The following INTS1 variants were observed in gnomAD, a reference collection of about 807,000 sequenced individuals.
The protein encoded by INTS1 is integrator complex subunit 1.
In INTS1, 137 loss-of-function variants were observed where a neutral mutation model predicts 241.6. That is an observed-to-expected ratio of 0.57 (90% confidence interval 0.49 to 0.65). The LOEUF (loss-of-function observed/expected upper bound fraction) is 0.65. Ranked by LOEUF, INTS1 falls within the 30% of genes least tolerant of loss-of-function variation. The probability of loss-of-function intolerance (pLI) is 0.00; values close to 1 mark genes in which losing one functional copy is unlikely to be tolerated. For synonymous variants in INTS1, 1,692 were observed against 1,337.8 expected, an observed-to-expected ratio of 1.26 and a Z score of -5.78; for missense variants, 3,073 against 3,032.2, an observed-to-expected ratio of 1.01 and a Z score of -0.32.
chr7:1,496,230 G>A lies in INTS1; in HGVS notation c.1637C>T (p.Ala546Val). ...TGTGATGCCCAGCATCATGGACACG[G>A]CCAGGACGTCGGTGATGTGCACCAC... ...RFVVHITDVL[A>V]VSMMLGITAQ... The change falls in exon 12 of 48, where the codon GCC becomes GTC. Residue 546 changes from alanine (A) to valine (V), a missense_variant. Physicochemically the swap from Ala to Val is moderately conservative, Grantham distance 64. Transcript: ENST00000404767. 1 of 1,613,796 alleles carries A rather than the reference G, an allele frequency of 6.2e-7. No individual in the cohort carries two copies. The highest frequency in any genetic ancestry group is 1.7e-5 in the Admixed American group (1 of 60,020).
chr7:1,483,489 G>T, intron 26 of INTS1: 1 of 561,368 alleles, frequency 1.8e-6, no homozygotes, highest in South Asian at 2.0e-5. Flanking sequence ...GGCTGTACCA[G>T]GCCCTCCAGC....
Position 1,487,389 on chromosome 7 carries a change from G to A in INTS1, c.2577C>T (p.Ser859=), listed in dbSNP as rs1782323575. Residue 859 remains serine (S), a synonymous_variant, in exon 20 of 48, where the codon TCC becomes TCT. Coordinates refer to ENST00000404767, the MANE Select transcript of INTS1 (RefSeq NM_001080453.3). ...ILDQVKSLNQ[S]LRLGHLLCRS... Reference sequence around the variant, plus strand: ...GGCACAAGAGGTGCCCGAGGCGGAGGGACTGGTTGAGGCTTTTCACTTGAT... The same window carrying A: ...GGCACAAGAGGTGCCCGAGGCGGAGAGACTGGTTGAGGCTTTTCACTTGAT... 3 of 1,611,986 alleles carry A rather than the reference G, an allele frequency of 1.9e-6. No individual in the cohort carries two copies. The highest frequency in any genetic ancestry group is 1.7e-5 in the Admixed American group (1 of 59,896).
Position 1,493,882 on chromosome 7 carries a change from G to A in INTS1, c.1940C>T (p.Pro647Leu). ...NFFLRLCSEV[P>L]ILEDTLMRIL... Reference sequence around the variant, plus strand: ...GCGCATCAGCGTGTCCTCCAAAATGGGCACCTCGGAGCACAGACGCAGGAA... The same window carrying A: ...GCGCATCAGCGTGTCCTCCAAAATGAGCACCTCGGAGCACAGACGCAGGAA... Residue 647 changes from proline to leucine, a missense_variant, in exon 15 of 48, where the codon CCC (proline) becomes CTC (leucine). Physicochemically the swap from Pro to Leu is moderately conservative, Grantham distance 98 (BLOSUM62 -3). Transcript: ENST00000404767. The surrounding 1 kb of genome is among the most constrained non-coding windows in gnomAD (Gnocchi z 5.3). 6.4e-7 allele frequency: 1 copy of A among 1,563,958 alleles called. No individual in the cohort carries two copies. The highest frequency in any genetic ancestry group is 8.7e-7 in the Non-Finnish European group (1 of 1,154,900).
chr7:1,494,136 C>T (rs1318856783), intron 14 of INTS1, among the ~76,000 whole-genome samples: 1 of 152,200 alleles, frequency 6.6e-6, no homozygotes, highest in Non-Finnish European at 1.5e-5. Context: ...CTACCCCCAC[C>T]CCAAGGCCTT....
intron 27 of INTS1, 72 bp downstream of exon 27, chr7:1,482,474 C>T (rs1269024258): frequency 1.0e-5 from 15 of 1,482,296 alleles, no homozygotes; most frequent in Non-Finnish European, 1.3e-5. Context: ...CTGCCCAGGC[C>T]CACAAGGAGC....
chr7:1,501,461 T>C (rs1783178290), intron 3 of INTS1, among the ~76,000 whole-genome samples: 1 of 152,046 alleles, frequency 6.6e-6, no homozygotes, highest in African/African-American at 2.4e-5. Flanking sequence ...AGGGACAGCC[T>C]GGGACATTTA....
chr7:1,487,988 GCCCCC>G, intron 18 of INTS1, 31 bp from the exon 19 acceptor site: 2 of 1,607,728 alleles, frequency 1.2e-6, no homozygotes, highest in Non-Finnish European at 8.5e-7. Context: ...GTGTCACCCT[GCCCCC>G]CATGAAGGGC....
chr7:1,476,540 T>G (rs773461414), intron 37 of INTS1, 30 bp downstream of exon 37: 89 of 1,608,638 alleles, frequency 5.5e-5, no homozygotes, highest in Non-Finnish European at 7.5e-5. Context: ...CCACCCCCTC[T>G]CCCGGATGGG....
chr7:1,481,497 G>T lies in INTS1; in HGVS notation c.3704-9C>A. 6.2e-7 allele frequency: 1 copy of T among 1,601,058 alleles called. No homozygotes were observed. Among genetic ancestry groups the T allele is most frequent in the Non-Finnish European group, 8.5e-7 (1 of 1,173,308 alleles). ...CTCCAGGTCCTGCAGGGCTGAGGGT[G>T]CACGCGCTCCGTAACGCCACCCAAA... On this transcript the variant is annotated splice_polypyrimidine_tract_variant and intron_variant, in intron 27 of 47. Transcript: ENST00000404767. This position sits in a 1 kb window ranked among gnomAD's most constrained non-coding sequence, Gnocchi z 6.8.
Position 1,499,527 on chromosome 7 carries a change from T to TC in INTS1, c.789_790insG (p.Arg264GlufsTer98). The TC allele has an allele frequency of 6.2e-7, 1 of 1,612,672 alleles. No homozygotes were observed. The highest frequency in any genetic ancestry group is 8.5e-7 in the Non-Finnish European group (1 of 1,179,438). On this transcript the variant is annotated frameshift_variant, in exon 6 of 48. Transcript: ENST00000404767. LOFTEE classifies it high-confidence loss of function. ...GCCTCCCCCTGCAGCAGCACGCTCC[T>TC]GGGGGGCATTCTGGTGTTGAAGGCC... is the stretch of plus-strand genomic sequence containing the variant.
intron 40 of INTS1, 133 bp from the exon 41 acceptor site, chr7:1,474,493 G>T: frequency 8.5e-7 from 1 of 1,175,980 alleles, no homozygotes; most frequent in Non-Finnish European, 1.2e-6. Flanking sequence ...GCCCTAAGGA[G>T]GTGGGGATGA....
At chr7:1,496,765 C>A (rs1297888616) in intron 11 of INTS1, among the ~76,000 whole-genome samples, 1 of 152,186 alleles carries the variant, frequency 6.6e-6, no homozygotes, top group African/African-American at 2.4e-5. Flanking sequence ...CTCTGTGATC[C>A]ACCCTCACTG....
At chr7:1,491,022 G>A (rs937088983) in intron 16 of INTS1, among the ~76,000 whole-genome samples, 13 of 152,320 alleles carry the variant, frequency 8.5e-5, no homozygotes, top group African/African-American at 2.6e-4. Flanking sequence ...ACAGTGCTGC[G>A]ACAACCAGAA....
Position 1,485,328 on chromosome 7 carries a change from C to T in INTS1, c.3118G>A (p.Asp1040Asn), listed in dbSNP as rs779827992. 6.2e-7 allele frequency: 1 copy of T among 1,612,140 alleles called. No homozygotes were observed. Among genetic ancestry groups the T allele is most frequent in the Non-Finnish European group, 8.5e-7 (1 of 1,179,772 alleles). Residue 1040 changes from aspartate to asparagine, a missense_variant, in exon 23 of 48, where the codon GAC becomes AAC. Transcript: ENST00000404767. ...LRDLPRLPLFDSVRSTTALAL... is the reference protein window; with the variant it reads ...LRDLPRLPLFNSVRSTTALAL... ...AGGGCTGTGGTGCTCCTGACGCTGT[C>T]GAACAGAGGCAGGCGAGGCAGGTCC...
chr7:1,474,390 C>A (rs753346502), intron 40 of INTS1, 30 bp from the exon 41 acceptor site: 19 of 1,551,424 alleles, frequency 1.2e-5, no homozygotes, highest in Middle Eastern at 2.3e-4. Context: ...CCAGTCAGCC[C>A]CGGCCGGCGG....
chr7:1,479,388 C>G, intron 31 of INTS1, 42 bp downstream of exon 31: 1 of 1,540,588 alleles, frequency 6.5e-7, no homozygotes, highest in Non-Finnish European at 8.8e-7. Context: ...AGGCAGAGCC[C>G]TCACTGCCCT....
intron 18 of INTS1, 53 bp from the exon 19 acceptor site, chr7:1,488,010 C>G: frequency 1.3e-6 from 2 of 1,557,092 alleles, no homozygotes; most frequent in Non-Finnish European, 1.8e-6. Flanking sequence ...GGGCTCACTC[C>G]CAGTGGGCCA....
chr7:1,473,326 G>T, intron 42 of INTS1, 142 bp from the exon 43 acceptor site: 1 of 707,190 alleles, frequency 1.4e-6, no homozygotes, highest in Admixed American at 2.5e-5. Flanking sequence ...GGGCCGGGCG[G>T]GGAAGCCACA....
rs1283130552 is a variant in INTS1, at chr7:1,497,978, T to G, written c.1425+434A>C. ...CCTGTCATCCCAGCACTTTGGGAGG[T>G]TGAGGCAGGAGGATCGCTTGAGCCC... On this transcript the variant is annotated intron_variant, in intron 10 of 47. Coordinates refer to ENST00000404767, the MANE Select transcript of INTS1 (RefSeq NM_001080453.3). This position sits in a 1 kb window ranked among gnomAD's most constrained non-coding sequence, Gnocchi z 5.3. 1.3e-5 allele frequency among the ~76,000 whole-genome samples: 2 copies of G among 152,064 alleles called. No homozygotes were observed. The highest frequency in any genetic ancestry group is 4.8e-5 in the African/African-American group (2 of 41,420).
Sources: gnomAD v4.1 joint callset for allele counts (sites outside exome capture counted in the v4.1 genomes callset) on GRCh38, gnomAD v4.1.1 for gene constraint, Gnocchi (gnomAD v3.1) non-coding constraint, MANE v1.5 for transcripts, NCBI Gene and HGNC (gene_info 2026-07-23, HGNC 2026-07-21) for gene names.